DNER: variants seen among roughly 807,000 people sequenced by gnomAD.
The protein encoded by DNER is delta/notch like EGF repeat containing.
DNER carries 33 observed loss-of-function variants against 78.2 expected under a neutral mutation model. The observed-to-expected ratio is 0.42, with a 90% confidence interval of 0.32 to 0.56. The LOEUF is 0.56. Ranked by LOEUF, DNER falls within the 20% of genes least tolerant of loss-of-function variation. DNER has a pLI of 0.11. For missense variants in DNER, 918 were observed against 975.3 expected (o/e 0.94, Z 0.78); for synonymous variants, 417 against 384.8 (o/e 1.08, Z -0.98).
chr2:229,455,839 A>G (rs1337915786), intron 7 of DNER, among the ~76,000 whole-genome samples: 4 of 152,148 alleles, frequency 2.6e-5, no homozygotes, highest in Non-Finnish European at 5.9e-5. Flanking sequence ...CTATGAGATA[A>G]GAACTATCAT....
chr2:229,629,726 C>T (rs1450186420), intron 1 of DNER, among the ~76,000 whole-genome samples: 10 of 152,192 alleles, frequency 6.6e-5, no homozygotes, highest in African/African-American at 1.9e-4. Flanking sequence ...GAAAAGTCTT[C>T]GCTGGGCATT....
At chr2:229,422,066 A>G (rs1005931007) in intron 8 of DNER, among the ~76,000 whole-genome samples, 7 of 152,030 alleles carry the variant, frequency 4.6e-5, no homozygotes, top group Non-Finnish European at 1.0e-4. Context: ...TTGGGGGGGA[A>G]AAAAGATAAA....
chr2:229,703,111 G>A (rs1699775659), intron 1 of DNER, among the ~76,000 whole-genome samples: 3 of 151,910 alleles, frequency 2.0e-5, no homozygotes, highest in South Asian at 2.1e-4. Context: ...GGGGAGAAGG[G>A]GGGAGAACAT....
intron 1 of DNER, among the ~76,000 whole-genome samples, chr2:229,605,935 A>C (rs1269381208): frequency 6.6e-6 from 1 of 152,224 alleles, no homozygotes; most frequent in Non-Finnish European, 1.5e-5. Context: ...GCATATGCAA[A>C]TGCCATAGGC....
rs575535298 is a variant in DNER, at chr2:229,461,355, C to T, written c.1262-13815G>A. ...AAAGTTTCTCTTTTTATTAGCACGG[C>T]TCTTTAAGAGCTCTGACCGGTCAAC... On this transcript the variant is annotated intron_variant, in intron 7 of 12. Transcript: ENST00000341772. 9.9e-5 allele frequency among the ~76,000 whole-genome samples: 15 copies of T among 152,134 alleles called. No homozygotes were observed. In the South Asian group the frequency reaches 1.2e-3, roughly 13 times the overall value.
intron 9 of DNER, among the ~76,000 whole-genome samples, chr2:229,414,641 T>C (rs1693603543): frequency 6.6e-6 from 1 of 152,154 alleles, no homozygotes; most frequent in African/African-American, 2.4e-5. Context: ...TTTTAAATAA[T>C]ATGAAACCAC....
chr2:229,490,424 T>C (rs1695374828), intron 6 of DNER, among the ~76,000 whole-genome samples: 1 of 152,202 alleles, frequency 6.6e-6, no homozygotes, highest in Non-Finnish European at 1.5e-5. Flanking sequence ...CAGTTATACC[T>C]GGTATAACCT....
At chr2:229,564,727 C>CCATCAT (rs548099884) in intron 4 of DNER, among the ~76,000 whole-genome samples, 2 of 151,898 alleles carry the variant, frequency 1.3e-5, no homozygotes, top group African/African-American at 4.8e-5. Flanking sequence ...CACCCCATCA[C>CCATCAT]CATCATCATC....
chr2:229,548,366 G>T (rs905092971), intron 4 of DNER, among the ~76,000 whole-genome samples: 84 of 152,268 alleles, frequency 5.5e-4, no homozygotes, highest in African/African-American at 2.0e-3. Context: ...TGATAGACTG[G>T]ATTAAGAAAA....
At chr2:229,706,282 G>A (rs1306925945) in intron 1 of DNER, among the ~76,000 whole-genome samples, 1 of 152,064 alleles carries the variant, frequency 6.6e-6, no homozygotes. Flanking sequence ...CGGACACAGT[G>A]GCTCATGCCT....
chr2:229,560,176 T>G (rs1362948287), intron 4 of DNER, among the ~76,000 whole-genome samples: 1 of 152,232 alleles, frequency 6.6e-6, no homozygotes, highest in Non-Finnish European at 1.5e-5. Flanking sequence ...GACTTTGTAG[T>G]TAACACCTCA....
chr2:229,388,511 C>T (rs950454345), intron 10 of DNER, 115 bp from the exon 11 acceptor site: 44 of 1,234,024 alleles, frequency 3.6e-5, no homozygotes, highest in Admixed American at 6.3e-5. Flanking sequence ...CAATAGAGCC[C>T]AACCTGCTGT....
chr2:229,412,127 TTTG>T (rs1297920580), intron 9 of DNER, among the ~76,000 whole-genome samples: 18 of 152,226 alleles, frequency 1.2e-4, no homozygotes, highest in Non-Finnish European at 2.2e-4. Flanking sequence ...TCCTTAACCT[TTTG>T]ACAATATGAG....
chr2:229,657,017 G>A (rs947008607), intron 1 of DNER, among the ~76,000 whole-genome samples: 17 of 54,778 alleles, frequency 3.1e-4, no homozygotes, highest in Non-Finnish European at 5.0e-4. Flanking sequence ...TGTGTGGTGA[G>A]AACATGCCAA....
At chr2:229,488,163 G>A (rs763048328) in intron 6 of DNER, among the ~76,000 whole-genome samples, 15 of 152,222 alleles carry the variant, frequency 9.9e-5, no homozygotes, top group Non-Finnish European at 1.9e-4. Flanking sequence ...GTGGGATGGG[G>A]AGTGGGCAAT....
chr2:229,694,272 C>T (rs1438120953), intron 1 of DNER, among the ~76,000 whole-genome samples: 2 of 152,214 alleles, frequency 1.3e-5, no homozygotes. Flanking sequence ...AGGGGCAGAG[C>T]CCCCATGGAG....
intron 6 of DNER, among the ~76,000 whole-genome samples, chr2:229,492,582 C>A (rs2154211741): frequency 6.6e-6 from 1 of 152,288 alleles, no homozygotes; most frequent in East Asian, 1.9e-4. Flanking sequence ...AGTCCCACAG[C>A]CTTATGGAGT....
intron 1 of DNER, among the ~76,000 whole-genome samples, chr2:229,619,211 T>A (rs1698214674): frequency 6.6e-6 from 1 of 152,010 alleles, no homozygotes; most frequent in African/African-American, 2.4e-5. Context: ...ACCTAGCATA[T>A]GCCACTGAAC....
intron 11 of DNER, among the ~76,000 whole-genome samples, chr2:229,387,891 G>GTGTTTT (rs1240360263): frequency 1.8e-5 from 1 of 57,050 alleles, no homozygotes; most frequent in Admixed American, 1.7e-4. Flanking sequence ...GTGTGTGTGT[G>GTGTTTT]TTTTTTAATT....
Sources: allele counts gnomAD v4.1 joint callset (sites outside exome capture counted in the v4.1 genomes callset), GRCh38; gene constraint gnomAD v4.1.1; transcripts MANE v1.5; gene names NCBI Gene and HGNC (gene_info 2026-07-23, HGNC 2026-07-21).